FHL5: variants seen among roughly 807,000 people sequenced by gnomAD.
FHL5 encodes the protein four and a half LIM domains 5, also known as four and a half LIM domains protein 5.
In FHL5, 33 loss-of-function variants were observed where a neutral mutation model predicts 32.0. The observed-to-expected ratio is 1.03, with a 90% confidence interval of 0.78 to 1.38. FHL5 has a LOEUF of 1.38. Among genes scored for constraint, FHL5 ranks in the 40% most tolerant of loss-of-function variants. FHL5 has a pLI of 0.00. For missense variants in FHL5, 336 were observed against 343.9 expected, an observed-to-expected ratio of 0.98 and a Z score of 0.18; for synonymous variants, 114 against 113.6, an observed-to-expected ratio of 1.00 and a Z score of -0.02.
rs1275252362 is a variant in FHL5, at chr6:96,618,314, C to G, written c.*2542C>G. ...GCATGGGCAGGAAAGAAGTTAAAAG[C>G]AAATCCCATGTGCCAATAACAACCA... On this transcript the variant is annotated 3_prime_UTR_variant, in exon 6 of 6. Coordinates refer to ENST00000450218, the MANE Select transcript of FHL5 (RefSeq NM_001322466.2). Among the ~76,000 whole-genome samples, 1 of 152,138 alleles carries G rather than the reference C, an allele frequency of 6.6e-6. No individual in the cohort carries two copies. Among genetic ancestry groups the G allele is most frequent in the East Asian group, 1.9e-4 (1 of 5,190 alleles).
At chr6:96,596,642 T>G (rs577109968) in intron 1 of FHL5, among the ~76,000 whole-genome samples, 113 of 152,236 alleles carry the variant, frequency 7.4e-4, no homozygotes, top group Middle Eastern at 3.4e-3. Context: ...ACACTAGGGT[T>G]TCTTTGATGG....
At chr6:96,582,275 C>A (rs1647028790) in intron 1 of FHL5, among the ~76,000 whole-genome samples, 1 of 152,046 alleles carries the variant, frequency 6.6e-6, no homozygotes, top group Admixed American at 6.6e-5. Flanking sequence ...TCTGGTTAGA[C>A]AGAGTCCTAG....
intron 1 of FHL5, among the ~76,000 whole-genome samples, chr6:96,597,804 G>T (rs1771066547): frequency 6.6e-6 from 1 of 152,114 alleles, no homozygotes; most frequent in Non-Finnish European, 1.5e-5. Context: ...CTCAAGGAAA[G>T]GGGAGGTTTA....
chr6:96,592,143 G>T (rs147102079), intron 1 of FHL5, among the ~76,000 whole-genome samples: 3,974 of 152,186 alleles, frequency 0.026, 59 homozygotes, highest in Non-Finnish European at 0.031. Flanking sequence ...AAATTTATTA[G>T]GTGGGAATTT....
intron 1 of FHL5, among the ~76,000 whole-genome samples, chr6:96,602,444 T>G (rs1203955377): frequency 8.9e-6 from 1 of 111,806 alleles, no homozygotes; most frequent in African/African-American, 4.0e-5. Context: ...TTTTTTTTTT[T>G]TTTTTTTTTT....
chr6:96,576,519 G>T (rs1356372786), intron 1 of FHL5, among the ~76,000 whole-genome samples: 1 of 152,184 alleles, frequency 6.6e-6, no homozygotes, highest in East Asian at 1.9e-4. Flanking sequence ...CTTTTCATAG[G>T]TAAAGACCTT....
chr6:96,599,350 C>T (rs2127970528), intron 1 of FHL5, among the ~76,000 whole-genome samples: 1 of 152,144 alleles, frequency 6.6e-6, no homozygotes, highest in East Asian at 1.9e-4. Context: ...CATGCACCAC[C>T]ACACCCAGCT....
At chr6:96,570,979 T>G (rs1770464701) in intron 1 of FHL5, among the ~76,000 whole-genome samples, 1 of 152,202 alleles carries the variant, frequency 6.6e-6, no homozygotes, top group African/African-American at 2.4e-5. Context: ...TACATTTTTT[T>G]GGCAATTAAT....
At chr6:96,591,430 C>T (rs1770914520) in intron 1 of FHL5, among the ~76,000 whole-genome samples, 1 of 152,070 alleles carries the variant, frequency 6.6e-6, no homozygotes, top group African/African-American at 2.4e-5. Context: ...CTCTTTTCCG[C>T]ACCTGTGATC....
chr6:96,613,003 A>C (rs2127976050), intron 5 of FHL5, among the ~76,000 whole-genome samples: 1 of 152,292 alleles, frequency 6.6e-6, no homozygotes, highest in Admixed American at 6.5e-5. Flanking sequence ...AATTTCAGTT[A>C]AACAGGGGAA....
intron 1 of FHL5, among the ~76,000 whole-genome samples, chr6:96,582,570 A>G (rs994597818): frequency 2.0e-5 from 3 of 152,140 alleles, no homozygotes; most frequent in Non-Finnish European, 2.9e-5. Context: ...CAGAGAAGAA[A>G]TTAGCCAAAT....
intron 1 of FHL5, among the ~76,000 whole-genome samples, chr6:96,597,499 A>G (rs1771060673): frequency 6.6e-6 from 1 of 152,124 alleles, no homozygotes; most frequent in South Asian, 2.1e-4. Flanking sequence ...TTTCTAAATT[A>G]ATTCTCATAA....
At chr6:96,578,589 C>A (rs915766773) in intron 1 of FHL5, among the ~76,000 whole-genome samples, 4 of 152,162 alleles carry the variant, frequency 2.6e-5, no homozygotes, top group African/African-American at 9.7e-5. Flanking sequence ...CGCCTGTAAT[C>A]CCAGCACTTT....
At chr6:96,602,629 ACAAT>A (rs565389297) in intron 1 of FHL5, among the ~76,000 whole-genome samples, 2 of 151,214 alleles carry the variant, frequency 1.3e-5, no homozygotes, top group Admixed American at 6.6e-5. Context: ...AATTTACAAA[ACAAT>A]CAGAGTCCTT....
chr6:96,593,237 C>A (rs1770959393), intron 1 of FHL5, among the ~76,000 whole-genome samples: 1 of 151,760 alleles, frequency 6.6e-6, no homozygotes, highest in South Asian at 2.1e-4. Context: ...TTTATTTACC[C>A]CCTTGAACAT....
chr6:96,612,789 G>A (rs186177008), intron 5 of FHL5, among the ~76,000 whole-genome samples: 3 of 152,138 alleles, frequency 2.0e-5, no homozygotes, highest in Non-Finnish European at 1.5e-5. Flanking sequence ...TGAAATGCCT[G>A]CAAAAACTTA....
At chr6:96,606,606 C>A (rs1562064412) in intron 4 of FHL5, among the ~76,000 whole-genome samples, 2 of 152,104 alleles carry the variant, frequency 1.3e-5, no homozygotes, top group South Asian at 2.1e-4. Context: ...CCTGCCTTGG[C>A]CTTCCAAAGT....
At chr6:96,607,237 T>G (rs1012570066) in intron 4 of FHL5, among the ~76,000 whole-genome samples, 2 of 152,024 alleles carry the variant, frequency 1.3e-5, no homozygotes, top group Admixed American at 1.3e-4. Context: ...CACCATAAAT[T>G]GTCATGAGAA....
chr6:96,607,156 C>T (rs1040796105), intron 4 of FHL5, among the ~76,000 whole-genome samples: 6 of 152,142 alleles, frequency 3.9e-5, no homozygotes, highest in Non-Finnish European at 5.9e-5. Context: ...AGCCTGTCTG[C>T]ATTCCATAAA....
Sources: gnomAD v4.1 joint callset for allele counts (sites outside exome capture counted in the v4.1 genomes callset) on GRCh38, gnomAD v4.1.1 for gene constraint, MANE v1.5 for transcripts, NCBI Gene and HGNC (gene_info 2026-07-23, HGNC 2026-07-21) for gene names.